AP1G2: variants seen among roughly 807,000 people sequenced by gnomAD.
AP1G2 encodes the protein adaptor related protein complex 1 subunit gamma 2.
Under a neutral mutation model 95.8 loss-of-function variants are expected in AP1G2, and 85 were observed. That is an observed-to-expected ratio of 0.89 (90% CI 0.74 to 1.06). The LOEUF is 1.06. AP1G2 is among the 50% of genes least tolerant of loss of function. AP1G2 has a pLI of 0.00. For synonymous variants in AP1G2, 378 were observed against 400.0 expected (o/e 0.94, Z 0.66); for missense variants, 967 against 1,005.8 (o/e 0.96, Z 0.52).
At chr14:23,563,958 C>T (rs773152801) in intron 11 of AP1G2, 88 bp downstream of exon 11, 2 of 1,602,874 alleles carry the variant, frequency 1.2e-6, no homozygotes, top group Non-Finnish European at 1.7e-6. Flanking sequence ...AGTCCCCTTA[C>T]TCCAGCTGCT....
rs1276659744 is a variant in AP1G2, at chr14:23,567,256, G to A, written c.59C>T (p.Thr20Ile). Residue 20 changes from threonine (T) to isoleucine (I), a missense_variant, in exon 2 of 22, where the codon ACT becomes ATT. Physicochemically the swap from Thr to Ile is moderately conservative, Grantham distance 89 (BLOSUM62 -1). Transcript: ENST00000397120. The surrounding 1 kb of genome is among the most constrained non-coding windows in gnomAD (Gnocchi z 5.3). ...DLIEEIRGAK[T>I]QAQEREVIQK... is the part of the protein sequence containing the mutation. ...GATCACCTCCCGCTCCTGGGCCTGAGTCTTGGCCCCGCGAATCTCTTCGAT... is the reference window on the plus strand; with the variant it reads ...GATCACCTCCCGCTCCTGGGCCTGAATCTTGGCCCCGCGAATCTCTTCGAT... 2 of 1,613,038 alleles carry A rather than the reference G, an allele frequency of 1.2e-6. No individual in the cohort carries two copies. The highest frequency in any genetic ancestry group is 3.4e-5 in the Admixed American group (2 of 59,676).
chr14:23,567,251 C>G lies in AP1G2; in HGVS notation c.64G>C (p.Ala22Pro). Residue 22 changes from alanine (A) to proline (P), a missense_variant, in exon 2 of 22, where the codon GCC (alanine) becomes CCC (proline). Transcript: ENST00000397120. The surrounding 1 kb of genome is among the most constrained non-coding windows in gnomAD (Gnocchi z 5.3). ...IEEIRGAKTQ[A>P]QEREVIQKEC... ...TTTTGGATCACCTCCCGCTCCTGGG[C>G]CTGAGTCTTGGCCCCGCGAATCTCT... is the stretch of plus-strand genomic sequence containing the variant. 1.9e-6 allele frequency: 3 copies of G among 1,613,096 alleles called. No individual in the cohort carries two copies. Among genetic ancestry groups the G allele is most frequent in the Non-Finnish European group, 2.5e-6 (3 of 1,179,562 alleles).
At chr14:23,562,724 G>A (rs1000020209) in intron 14 of AP1G2, 131 bp from the exon 15 acceptor site, 12 of 783,714 alleles carry the variant, frequency 1.5e-5, no homozygotes, top group African/African-American at 9.0e-5. Context: ...GCAACAAAGC[G>A]AGACCCCCCC....
Position 23,560,244 on chromosome 14 carries a change from T to A in AP1G2, c.2157+11A>T. 6.2e-7 allele frequency: 1 copy of A among 1,612,922 alleles called. No homozygotes were observed. Among genetic ancestry groups the A allele is most frequent in the South Asian group, 1.1e-5 (1 of 91,016 alleles). The stretch of plus-strand genomic sequence containing the variant: ...TCCCCAGGCCACCTCTGAACTCTGA[T>A]CTTTACAAACCTTGGGCACAGCAGC... On this transcript the variant is annotated intron_variant, in intron 20 of 21. Transcript: ENST00000397120.
Position 23,567,501 on chromosome 14 carries a change from G to A in AP1G2, c.-5-182C>T, listed in dbSNP as rs1888650715. 28 of 1,384,778 alleles carry A rather than the reference G, an allele frequency of 2.0e-5. No homozygotes were observed. Among genetic ancestry groups the A allele is most frequent in the Non-Finnish European group, 2.6e-5 (28 of 1,077,792 alleles). 85.8% of individuals were successfully genotyped at this position (1,384,778 alleles called of 1,614,324 possible). ...CCGCGCCCACCCCACCGCCCGAGAA[G>A]CCCACTACGCATGCGTCCGCACCCC... On this transcript the variant is annotated intron_variant, in intron 1 of 21. Transcript: ENST00000397120. This position sits in a 1 kb window ranked among gnomAD's most constrained non-coding sequence, Gnocchi z 5.3.
intron 14 of AP1G2, chr14:23,563,069 T>C: frequency 7.8e-7 from 1 of 1,279,670 alleles, no homozygotes; most frequent in Non-Finnish European, 9.9e-7. Context: ...TGTTAATTCA[T>C]TCAGCATTCA....
Position 23,561,363 on chromosome 14 carries a change from A to G in AP1G2, c.1926T>C (p.His642=), listed in dbSNP as rs1284510896. Residue 642 remains histidine (H), a synonymous_variant, in exon 19 of 22, where the codon CAT becomes CAC. Transcript: ENST00000397120. The stretch of plus-strand genomic sequence containing the variant: ...GGGCACCTCCTGGGGAGGGGTCCAG[A>G]TGGGGAGGATGCTGGACATCCCCAG... The part of the protein sequence containing the change: ...GASGDVQHPP[H]LDPSPGGALV... The G allele has an allele frequency of 1.3e-6, 2 of 1,596,488 alleles. No homozygotes were observed. The highest frequency in any genetic ancestry group is 2.7e-5 in the African/African-American group (2 of 74,414).
rs1357531687 is a variant in AP1G2, at chr14:23,567,782, C to T, written c.-49G>A. 1 of 1,002,652 alleles carries T rather than the reference C, an allele frequency of 1.0e-6. No homozygotes were observed. The highest frequency in any genetic ancestry group is 1.1e-4 in the East Asian group (1 of 8,962). The allele number at this position is 1,002,652 out of a possible 1,614,324, so 62.1% of individuals were successfully genotyped here. ...CCGCTCCTCTGCCCCCCAGCGCTTCCTGGTACGGGGCCGAGCAGGGGTTGG... is the reference window on the plus strand; with the variant it reads ...CCGCTCCTCTGCCCCCCAGCGCTTCTTGGTACGGGGCCGAGCAGGGGTTGG... On this transcript the variant is annotated 5_prime_UTR_variant, in exon 1 of 22. Coordinates refer to ENST00000397120, the MANE Select transcript of AP1G2 (RefSeq NM_003917.5). The surrounding 1 kb of genome is among the most constrained non-coding windows in gnomAD (Gnocchi z 5.3).
At chr14:23,563,941 C>A in intron 11 of AP1G2, 85 bp from the exon 12 acceptor site, 2 of 1,598,476 alleles carry the variant, frequency 1.3e-6, no homozygotes, top group Admixed American at 1.7e-5. Context: ...AGGGACCTGT[C>A]CCCCTTAGTC....
In AP1G2 at chr14:23,562,610, A is replaced by G. The variant is rs1219234286; in HGVS notation, c.1411-17T>C. On this transcript the variant is annotated splice_polypyrimidine_tract_variant and intron_variant, in intron 14 of 21. Transcript: ENST00000397120. ...CAGTGGTTGCTACATGGGATAAGAA[A>G]CTGCTGGGCTGGCCAGGCATGGTGG... 1 of 1,610,844 alleles carries G rather than the reference A, an allele frequency of 6.2e-7. No homozygotes were observed. The highest frequency in any genetic ancestry group is 1.3e-5 in the African/African-American group (1 of 74,808).
intron 16 of AP1G2, 80 bp from the exon 17 acceptor site, chr14:23,562,146 G>T: frequency 6.3e-7 from 1 of 1,594,578 alleles, no homozygotes; most frequent in East Asian, 2.2e-5. Context: ...CACGGAGCAG[G>T]GAAATACCCA....
chr14:23,565,564 C>T, intron 7 of AP1G2, 42 bp downstream of exon 7: 1 of 1,513,530 alleles, frequency 6.6e-7, no homozygotes, highest in Non-Finnish European at 9.2e-7. Context: ...TACTGCTATG[C>T]CCTCTCTGAT....
intron 14 of AP1G2, chr14:23,563,098 A>G: frequency 1.5e-6 from 2 of 1,343,216 alleles, no homozygotes; most frequent in South Asian, 1.7e-5. Context: ...ATAAAACCTC[A>G]TAAACACAAG....
Position 23,562,369 on chromosome 14 carries a change from G to A in AP1G2, c.1547C>T (p.Ser516Phe), listed in dbSNP as rs1325591645. 2 of 1,614,060 alleles carry A rather than the reference G, an allele frequency of 1.2e-6. No individual in the cohort carries two copies. Among genetic ancestry groups the A allele is most frequent in the South Asian group, 1.1e-5 (1 of 91,088 alleles). ...VLALLEKVLQ[S>F]HMSLPATRGY... The stretch of plus-strand genomic sequence containing the variant: ...TCGAGTGGCTGGCAGGGACATGTGG[G>A]ACTGCAGCACCTTTTCCAGCAATGC... Residue 516 changes from serine (S) to phenylalanine (F), a missense_variant, in exon 16 of 22, where the codon TCC (serine) becomes TTC (phenylalanine). Physicochemically the swap from Ser to Phe is radical, Grantham distance 155. Coordinates refer to ENST00000397120, the MANE Select transcript of AP1G2 (RefSeq NM_003917.5).
At position 23,559,582 on chromosome 14, in the gene AP1G2, C is replaced by A; in HGVS notation, c.*167G>T. 1.6e-6 allele frequency: 1 copy of A among 631,180 alleles called. No individual in the cohort carries two copies. Among genetic ancestry groups the A allele is most frequent in the Non-Finnish European group, 2.8e-6 (1 of 353,136 alleles). The allele number at this position is 631,180 out of a possible 1,614,324, so 39.1% of individuals were successfully genotyped here. On this transcript the variant is annotated 3_prime_UTR_variant, in exon 22 of 22. Transcript: ENST00000397120. Reference sequence around the variant, plus strand: ...TACCCAAATATGGCTTTCCTCACTTCTCAGGCTTTATTGGGCTTTATTTGT... The same window carrying A: ...TACCCAAATATGGCTTTCCTCACTTATCAGGCTTTATTGGGCTTTATTTGT...
At position 23,561,393 on chromosome 14, in the gene AP1G2, C is replaced by T. The variant is rs1183849309; in HGVS notation, c.1896G>A (p.Gly632=). 6.2e-7 allele frequency: 1 copy of T among 1,604,888 alleles called. No homozygotes were observed. The highest frequency in any genetic ancestry group is 2.2e-5 in the East Asian group (1 of 44,760). ...GAGGATGCTGGACATCCCCAGAAGC[C>T]CCATCCAGGAGATCTAGCAGATCCA... is the stretch of plus-strand genomic sequence containing the variant. ...QLLDLLDLLD[G]ASGDVQHPPH... The change falls in exon 19 of 22, where the codon GGG becomes GGA. Residue 632 remains glycine, a synonymous_variant. Coordinates refer to ENST00000397120, the MANE Select transcript of AP1G2 (RefSeq NM_003917.5).
chr14:23,561,395 CATCCAGGAGATCTAGCAG>C lies in AP1G2; in HGVS notation c.1876_1893del (p.Leu626_Asp631del). On this transcript the variant is annotated inframe_deletion, in exon 19 of 22. Transcript: ENST00000397120. ...GGATGCTGGACATCCCCAGAAGCCC[CATCCAGGAGATCTAGCAG>C]ATCCAGGAGCTGTGAGGCCTGGCAG... 1 of 1,605,708 alleles carries C rather than the reference CATCCAGGAGATCTAGCAG, an allele frequency of 6.2e-7. No homozygotes were observed. The highest frequency in any genetic ancestry group is 8.5e-7 in the Non-Finnish European group (1 of 1,174,798).
rs1296748430 is a variant in AP1G2 at position 23,564,168 on chromosome 14, G to T, written c.978-9C>A. ...ATGTCAGGGCTACATACCTGGTCAG[G>T]ATGGGGGAGGTTCTATCATACCATG... On this transcript the variant is annotated splice_polypyrimidine_tract_variant and intron_variant, in intron 10 of 21. Coordinates refer to ENST00000397120, the MANE Select transcript of AP1G2 (RefSeq NM_003917.5). The T allele has an allele frequency of 1.2e-6, 2 of 1,613,466 alleles. No individual in the cohort carries two copies. The highest frequency in any genetic ancestry group is 2.2e-5 in the South Asian group (2 of 90,996).
At chr14:23,565,942 T>C in intron 5 of AP1G2, 50 bp from the exon 6 acceptor site, 1 of 1,602,696 alleles carries the variant, frequency 6.2e-7, no homozygotes, top group Non-Finnish European at 8.5e-7. Context: ...GGCAAGAGAG[T>C]CTATTGCGTG....
Sources: allele counts gnomAD v4.1 joint callset, GRCh38; gene constraint gnomAD v4.1.1; non-coding constraint Gnocchi (gnomAD v3.1); transcripts MANE v1.5; gene names NCBI Gene and HGNC (gene_info 2026-07-23, HGNC 2026-07-21).